F13A1: variants seen among roughly 807,000 people sequenced by gnomAD.
F13A1 encodes FSF, A subunit.
A neutral mutation model predicts 80.1 loss-of-function variants in F13A1; 47 were observed. The observed-to-expected ratio is 0.59, with a 90% CI of 0.46 to 0.75. The LOEUF (loss-of-function observed/expected upper bound fraction) is 0.75. Ranked by LOEUF, F13A1 falls within the 30% of genes least tolerant of loss-of-function variation. The pLI, the probability that F13A1 is intolerant of heterozygous loss-of-function variation, is 0.00. For missense variants in F13A1, 817 were observed against 930.4 expected, an observed-to-expected ratio of 0.88 and a Z score of 1.59; for synonymous variants, 349 against 344.9, an observed-to-expected ratio of 1.01 and a Z score of -0.13.
Position 6,175,350 on chromosome 6 carries a change from C to G in F13A1, c.1460-483G>C, listed in dbSNP as rs528549515. Among the ~76,000 whole-genome samples the G allele has an allele frequency of 7.9e-5, 12 of 152,318 alleles. No individual in the cohort carries two copies. The East Asian group carries it at 2.3e-3, about 29-fold the overall frequency. ...AATAAGACCTGTCTTCCTCATCTCT[C>G]CTTCCACTTGGGCCTGTCCCACTTG... On this transcript the variant is annotated intron_variant, in intron 11 of 14. Transcript: ENST00000264870.
At chr6:6,266,456 C>G in intron 4 of F13A1, 102 bp downstream of exon 4, 1 of 1,578,334 alleles carries the variant, frequency 6.3e-7, no homozygotes, top group Non-Finnish European at 8.7e-7. Context: ...AAGCGATCCT[C>G]CCATCTTGGC....
At chr6:6,247,507 G>C (rs2113097461) in intron 6 of F13A1, among the ~76,000 whole-genome samples, 1 of 152,210 alleles carries the variant, frequency 6.6e-6, no homozygotes, top group East Asian at 1.9e-4. Context: ...TATAATCCAG[G>C]ACTGCATGGG....
intron 4 of F13A1, among the ~76,000 whole-genome samples, chr6:6,252,035 A>C (rs1757639469): frequency 1.3e-5 from 2 of 152,186 alleles, no homozygotes; most frequent in Non-Finnish European, 1.5e-5. Flanking sequence ...GCTGCTTAAC[A>C]GAAAATGCCA....
intron 4 of F13A1, among the ~76,000 whole-genome samples, chr6:6,262,470 G>A (rs751824053): frequency 5.9e-5 from 9 of 152,356 alleles, no homozygotes; most frequent in South Asian, 4.1e-4. Flanking sequence ...AGGCAGCCAT[G>A]AAGTCAGAAA....
At chr6:6,256,649 A>G (rs1361288422) in intron 4 of F13A1, among the ~76,000 whole-genome samples, 6 of 152,084 alleles carry the variant, frequency 3.9e-5, no homozygotes, top group Non-Finnish European at 8.8e-5. Flanking sequence ...TTTGGGGTGG[A>G]TTTCAGTCAC....
At chr6:6,212,993 G>C (rs578039669) in intron 8 of F13A1, among the ~76,000 whole-genome samples, 1 of 152,272 alleles carries the variant, frequency 6.6e-6, no homozygotes, top group African/African-American at 2.4e-5. Flanking sequence ...AGAATAAAAA[G>C]AAACCAGAAA....
intron 8 of F13A1, chr6:6,206,390 T>C (rs147927493): frequency 1.1e-5 from 5 of 449,896 alleles, no homozygotes; most frequent in Admixed American, 2.4e-5. Context: ...AACCAGAACA[T>C]GATTCCATTG....
At chr6:6,297,641 T>C (rs1410468587) in intron 3 of F13A1, among the ~76,000 whole-genome samples, 3 of 149,610 alleles carry the variant, frequency 2.0e-5, no homozygotes, top group East Asian at 3.8e-4. Context: ...TCTCTCTTTT[T>C]TTCTTTATTA....
chr6:6,250,755 G>T lies in F13A1; in HGVS notation c.690+56C>A. On this transcript the variant is annotated intron_variant, in intron 5 of 14. Coordinates refer to ENST00000264870, the MANE Select transcript of F13A1 (RefSeq NM_000129.4). This position sits in a 1 kb window ranked among gnomAD's most constrained non-coding sequence, Gnocchi z 4.2. ...TATGGGATCCTGTAGGGATACATGT[G>T]ACAAAAAATATGAAGTAAAAATGTC... The T allele has an allele frequency of 8.4e-7, 1 of 1,187,150 alleles. No individual in the cohort carries two copies. The highest frequency in any genetic ancestry group is 1.2e-5 in the South Asian group (1 of 82,552). 73.5% of individuals were successfully genotyped at this position (1,187,150 alleles called of 1,614,324 possible).
Position 6,224,433 on chromosome 6 carries a change from G to A in F13A1, c.973+253C>T, listed in dbSNP as rs965754570. Among the ~76,000 whole-genome samples the A allele has an allele frequency of 4.6e-5, 7 of 151,528 alleles. 1 individual carries two copies. The highest frequency in any genetic ancestry group is 4.2e-4 in the South Asian group (2 of 4,788). Reference sequence around the variant, plus strand: ...TTTTACTGTAACCCTCTATTTCTTCGGGTGTTAAGTGATGGATTACACAGG... The same window carrying A: ...TTTTACTGTAACCCTCTATTTCTTCAGGTGTTAAGTGATGGATTACACAGG... On this transcript the variant is annotated intron_variant, in intron 7 of 14. Transcript: ENST00000264870.
chr6:6,154,363 T>C (rs1047308559), intron 13 of F13A1, among the ~76,000 whole-genome samples: 25 of 152,284 alleles, frequency 1.6e-4, no homozygotes, highest in Admixed American at 1.5e-3. Flanking sequence ...TTGAAGGCTG[T>C]GGCAAAAACA....
At chr6:6,257,520 C>T (rs1351149223) in intron 4 of F13A1, among the ~76,000 whole-genome samples, 1 of 152,028 alleles carries the variant, frequency 6.6e-6, no homozygotes, top group Non-Finnish European at 1.5e-5. Context: ...TCCTTTTAGC[C>T]CCTTCAGTAT....
At chr6:6,307,151 C>T (rs1011284839) in intron 2 of F13A1, among the ~76,000 whole-genome samples, 1 of 152,150 alleles carries the variant, frequency 6.6e-6, no homozygotes, top group South Asian at 2.1e-4. Flanking sequence ...GGCACTATGC[C>T]TGGCACATAG....
intron 6 of F13A1, among the ~76,000 whole-genome samples, chr6:6,235,273 T>G (rs1757400489): frequency 6.6e-6 from 1 of 151,994 alleles, no homozygotes. Context: ...ATAAAAAAAT[T>G]TGTAAATCAG....
chr6:6,276,923 T>C (rs1467961367), intron 3 of F13A1, among the ~76,000 whole-genome samples: 2 of 152,088 alleles, frequency 1.3e-5, no homozygotes, highest in African/African-American at 4.8e-5. Context: ...AAAAGTAAAA[T>C]CTTATCCCCA....
intron 14 of F13A1, among the ~76,000 whole-genome samples, chr6:6,150,468 A>C (rs1364495664): frequency 6.6e-6 from 1 of 152,230 alleles, no homozygotes; most frequent in Non-Finnish European, 1.5e-5. Flanking sequence ...TTGCATCTGC[A>C]ATAAGGCATC....
intron 8 of F13A1, among the ~76,000 whole-genome samples, chr6:6,204,071 G>T (rs1052677968): frequency 6.6e-6 from 1 of 152,110 alleles, no homozygotes; most frequent in Admixed American, 6.6e-5. Flanking sequence ...GTGAAGAGCT[G>T]GACAGAGAAC....
intron 3 of F13A1, among the ~76,000 whole-genome samples, chr6:6,290,038 G>A (rs548837938): frequency 6.6e-6 from 1 of 152,200 alleles, no homozygotes; most frequent in Non-Finnish European, 1.5e-5. Flanking sequence ...ATCCTCTGGA[G>A]GCAAGGGATG....
At chr6:6,195,666 T>C in intron 10 of F13A1, 131 bp downstream of exon 10, 1 of 782,000 alleles carries the variant, frequency 1.3e-6, no homozygotes, top group Non-Finnish European at 2.2e-6. Context: ...GAATAATGCC[T>C]AGTTACCTTT....
Sources: gnomAD v4.1 joint callset for allele counts (sites outside exome capture counted in the v4.1 genomes callset) on GRCh38, gnomAD v4.1.1 for gene constraint, Gnocchi (gnomAD v3.1) non-coding constraint, MANE v1.5 for transcripts, NCBI Gene and HGNC (gene_info 2026-07-23, HGNC 2026-07-21) for gene names.